Variants in DEUP1 observed in about 807,000 individuals in gnomAD.
DEUP1 encodes coiled-coil domain containing 67.
A neutral mutation model predicts 87.4 loss-of-function variants in DEUP1; 82 were observed. That is an observed-to-expected ratio of 0.94 (90% confidence interval 0.78 to 1.13). The LOEUF (loss-of-function observed/expected upper bound fraction) is 1.13. Ranked by LOEUF, DEUP1 falls within the 50% of genes most tolerant of loss-of-function variation. The pLI, the probability that DEUP1 is intolerant of heterozygous loss-of-function variation, is 0.00. For synonymous variants in DEUP1, 214 were observed against 222.7 expected (o/e 0.96, Z 0.35); for missense variants, 663 against 681.5 (o/e 0.97, Z 0.30).
chr11:93,408,365 C>A lies in DEUP1; in HGVS notation c.1461C>A (p.Thr487=). The change falls in exon 12 of 14, where the codon ACC becomes ACA. Residue 487 remains threonine, a synonymous_variant. Transcript: ENST00000298050. ...AATCAACCTGGACTAATCAAAACAC[C>A]TATGAAGAAACAGGAAGATATGCCT... The part of the protein sequence containing the change: ...NGKSTWTNQN[T]YEETGRYAYQ... 1 of 1,573,204 alleles carries A rather than the reference C, an allele frequency of 6.4e-7. No homozygotes were observed. Among genetic ancestry groups the A allele is most frequent in the East Asian group, 2.3e-5 (1 of 43,062 alleles).
Position 93,365,230 on chromosome 11 carries a change from C to T in DEUP1, c.432+936C>T, listed in dbSNP as rs562542170. Among the ~76,000 whole-genome samples, 68 of 152,118 alleles carry T rather than the reference C, an allele frequency of 4.5e-4. No homozygotes were observed. The South Asian group carries it at 6.4e-3, about 14-fold the overall frequency. On this transcript the variant is annotated intron_variant, in intron 5 of 13. Transcript: ENST00000298050. The stretch of plus-strand genomic sequence containing the variant: ...AAAAAATTAAATCCGGGATCACAGC[C>T]CTAAAATCGGCTTATTATAAGATCT...
At chr11:93,344,027 G>C (rs1192452376) in intron 2 of DEUP1, among the ~76,000 whole-genome samples, 1 of 152,118 alleles carries the variant, frequency 6.6e-6, no homozygotes, top group African/African-American at 2.4e-5. Flanking sequence ...TGACAAAAAA[G>C]TGCTTGAGGA....
rs367625500 is a variant in DEUP1 at position 93,363,177 on chromosome 11, A to G, written c.298-983A>G. Among the ~76,000 whole-genome samples the G allele has an allele frequency of 2.6e-4, 39 of 152,022 alleles. No individual in the cohort carries two copies. The South Asian group carries it at 8.1e-3, about 32-fold the overall frequency. On this transcript the variant is annotated intron_variant, in intron 4 of 13. Transcript: ENST00000298050. Reference sequence around the variant, plus strand: ...TTTTATAACATTCTCAAAATTATAGAGATGGAAAACAAATTAGTGGTTTTC... The same window carrying G: ...TTTTATAACATTCTCAAAATTATAGGGATGGAAAACAAATTAGTGGTTTTC...
chr11:93,386,147 G>A (rs1388396506), intron 8 of DEUP1, among the ~76,000 whole-genome samples: 1 of 151,818 alleles, frequency 6.6e-6, no homozygotes, highest in Non-Finnish European at 1.5e-5. Context: ...AAATGCCTTT[G>A]TTTTGATTGC....
chr11:93,382,671 A>G (rs960103649), intron 7 of DEUP1, among the ~76,000 whole-genome samples: 38 of 152,172 alleles, frequency 2.5e-4, no homozygotes, highest in African/African-American at 8.4e-4. Context: ...TCTACATGCA[A>G]CTTCATATTT....
chr11:93,388,200 G>T (rs997179190), intron 8 of DEUP1, among the ~76,000 whole-genome samples: 1 of 151,934 alleles, frequency 6.6e-6, no homozygotes, highest in African/African-American at 2.4e-5. Context: ...TATTTGTGTG[G>T]TTGAAATTTC....
At chr11:93,419,930 C>T (rs1174302161) in intron 13 of DEUP1, among the ~76,000 whole-genome samples, 7 of 150,808 alleles carry the variant, frequency 4.6e-5, no homozygotes, top group Non-Finnish European at 1.5e-5. Flanking sequence ...CAATAGCTTA[C>T]CAACCAAAAA....
intron 4 of DEUP1, chr11:93,357,244 C>G (rs929123992): frequency 2.2e-6 from 1 of 462,916 alleles, no homozygotes; most frequent in African/African-American, 2.0e-5. Flanking sequence ...TTCTGTGCCT[C>G]TGTTAGCACA....
At chr11:93,331,548 T>G (rs1194113450) in intron 1 of DEUP1, among the ~76,000 whole-genome samples, 1 of 152,136 alleles carries the variant, frequency 6.6e-6, no homozygotes, top group Non-Finnish European at 1.5e-5. Flanking sequence ...AAAGAAAGAA[T>G]GTACTCAAAT....
chr11:93,348,638 C>T (rs977116722), intron 2 of DEUP1, among the ~76,000 whole-genome samples: 3 of 152,128 alleles, frequency 2.0e-5, no homozygotes, highest in Non-Finnish European at 4.4e-5. Context: ...TGTAATTGTA[C>T]GGTTTTGAGC....
Position 93,371,287 on chromosome 11 carries a change from A to T in DEUP1, c.789+7A>T, listed in dbSNP as rs1206326799. 1.2e-6 allele frequency: 2 copies of T among 1,606,706 alleles called. No homozygotes were observed. Among genetic ancestry groups the T allele is most frequent in the Non-Finnish European group, 8.5e-7 (1 of 1,176,998 alleles). On this transcript the variant is annotated splice_region_variant and intron_variant, in intron 7 of 13. Coordinates refer to ENST00000298050, the MANE Select transcript of DEUP1 (RefSeq NM_181645.4). The stretch of plus-strand genomic sequence containing the variant: ...GTACCAAAGACAGTGCCAGGTGAAG[A>T]TTAATTTTTTTTCAACTAATATTGT...
intron 2 of DEUP1, among the ~76,000 whole-genome samples, chr11:93,348,662 T>C (rs1264851170): frequency 6.6e-6 from 1 of 152,216 alleles, no homozygotes; most frequent in Non-Finnish European, 1.5e-5. Context: ...TTTATTAGTG[T>C]TGATTTCTAA....
chr11:93,416,637 C>T (rs948931684), intron 13 of DEUP1, among the ~76,000 whole-genome samples: 9 of 151,654 alleles, frequency 5.9e-5, no homozygotes, highest in African/African-American at 2.2e-4. Context: ...TGAAACTATT[C>T]CAATCAATAG....
intron 5 of DEUP1, among the ~76,000 whole-genome samples, chr11:93,367,376 A>G (rs559817323): frequency 3.3e-4 from 50 of 152,312 alleles, no homozygotes; most frequent in Middle Eastern, 3.4e-3. Flanking sequence ...CTAAATTAGC[A>G]TTTGTTTTCC....
chr11:93,333,997 C>T (rs1255012989), intron 2 of DEUP1, among the ~76,000 whole-genome samples: 1 of 152,192 alleles, frequency 6.6e-6, no homozygotes, highest in South Asian at 2.1e-4. Context: ...ATTTAAGAAA[C>T]AGACCTTGTC....
chr11:93,398,721 ATTT>A (rs34737091), intron 11 of DEUP1, among the ~76,000 whole-genome samples: 44 of 138,042 alleles, frequency 3.2e-4, no homozygotes, highest in East Asian at 6.4e-4. Context: ...TTCATGTCAA[ATTT>A]TTTTTTTTTT....
At position 93,416,929 on chromosome 11, in the gene DEUP1, C is replaced by T. The variant is rs148131458; in HGVS notation, c.1638+1815C>T. Among the ~76,000 whole-genome samples the T allele has an allele frequency of 2.6e-4, 40 of 152,250 alleles. No homozygotes were observed. The East Asian group carries it at 7.5e-3, about 29-fold the overall frequency. On this transcript the variant is annotated intron_variant, in intron 13 of 13. Coordinates refer to ENST00000298050, the MANE Select transcript of DEUP1 (RefSeq NM_181645.4). The stretch of plus-strand genomic sequence containing the variant: ...TACAAATGGGACCAAAGACAAAAAC[C>T]ACATGATTATCTCAATAGATTCAGA...
chr11:93,398,921 C>A (rs1326751724), intron 11 of DEUP1, among the ~76,000 whole-genome samples: 2 of 151,980 alleles, frequency 1.3e-5, no homozygotes, highest in African/African-American at 4.8e-5. Context: ...TGGGGTTTAG[C>A]CATGTTGGCC....
rs570381564 is a variant in DEUP1 at position 93,437,204 on chromosome 11, C to A, written c.1639-339C>A. 3.9e-5 allele frequency among the ~76,000 whole-genome samples: 6 copies of A among 152,260 alleles called. No individual in the cohort carries two copies. The East Asian group carries it at 9.6e-4, about 24-fold the overall frequency. On this transcript the variant is annotated intron_variant, in intron 13 of 13. Transcript: ENST00000298050. ...TCTTTACTTTAGCTTTTTGGAGTTG[C>A]CTATTTTCAAATGAAAATCATTGGC... is the stretch of plus-strand genomic sequence containing the variant.
Sources: allele counts gnomAD v4.1 joint callset (sites outside exome capture counted in the v4.1 genomes callset), GRCh38; gene constraint gnomAD v4.1.1; transcripts MANE v1.5; gene names NCBI Gene and HGNC (gene_info 2026-07-23, HGNC 2026-07-21).